Variants in ZNF438 observed in about 807,000 individuals in gnomAD.
ZNF438 encodes zinc finger protein 438.
In ZNF438, 25 loss-of-function variants were observed where a neutral mutation model predicts 38.0. The observed-to-expected ratio is 0.66, with a 90% CI of 0.48 to 0.92. The LOEUF (loss-of-function observed/expected upper bound fraction) is 0.92, where lower values mean the gene tolerates loss of function less well. Among genes scored for constraint, ZNF438 ranks in the 40% least tolerant of loss-of-function variants. The pLI, the probability that ZNF438 is intolerant of heterozygous loss-of-function variation, is 0.00. For synonymous variants in ZNF438, 372 were observed against 364.1 expected, an observed-to-expected ratio of 1.02 and a Z score of -0.25; for missense variants, 1,007 against 999.6, an observed-to-expected ratio of 1.01 and a Z score of -0.10.
rs77555073 is a variant in ZNF438, at chr10:30,890,801, C to A, written c.-31-13736G>T. ...AGAGTTGATTCTTCCAGCATTTAGA[C>A]CTCCATTATCGTTAATAACATGCTT... On this transcript the variant is annotated intron_variant, in intron 3 of 5. Coordinates refer to ENST00000413025, the Ensembl canonical transcript of ZNF438. Among the ~76,000 whole-genome samples, 377 of 152,330 alleles carry A rather than the reference C, an allele frequency of 2.5e-3. 3 individuals carry two copies. Among genetic ancestry groups the A allele is most frequent in the African/African-American group, 8.8e-3 (366 of 41,590 alleles).
intron 3 of ZNF438, among the ~76,000 whole-genome samples, chr10:30,901,651 AGGCGATGGTCTCACCGCTC>A (rs2041998597): frequency 6.6e-6 from 1 of 152,012 alleles, no homozygotes; most frequent in African/African-American, 2.4e-5. Context: ...GCTTGGCAAT[AGGCGATGGTCTCACCGCTC>A]GGCGATAGTC....
At chr10:30,984,681 T>C (rs957566261) in intron 1 of ZNF438, among the ~76,000 whole-genome samples, 1 of 152,170 alleles carries the variant, frequency 6.6e-6, no homozygotes, top group Non-Finnish European at 1.5e-5. Context: ...AATGCCACAA[T>C]GAATAAAACT....
chr10:30,901,451 G>T (rs975370281), intron 3 of ZNF438, among the ~76,000 whole-genome samples: 1 of 151,576 alleles, frequency 6.6e-6, no homozygotes, highest in Non-Finnish European at 1.5e-5. Flanking sequence ...CTGAGTCGGG[G>T]GTTGTTAGCT....
intron 1 of ZNF438, among the ~76,000 whole-genome samples, chr10:31,025,787 A>C (rs545871466): frequency 2.2e-4 from 33 of 152,214 alleles, no homozygotes; most frequent in African/African-American, 6.3e-4. Context: ...TAAAGATTTT[A>C]ATTTTTAAGC....
At chr10:30,966,388 G>A (rs971241797) in intron 1 of ZNF438, among the ~76,000 whole-genome samples, 41 of 151,844 alleles carry the variant, frequency 2.7e-4, no homozygotes, top group Non-Finnish European at 5.4e-4. Flanking sequence ...AAGAATCAAG[G>A]GGCCGGGCGT....
intron 1 of ZNF438, among the ~76,000 whole-genome samples, chr10:30,987,668 A>C (rs2052990044): frequency 6.6e-6 from 1 of 151,192 alleles, no homozygotes; most frequent in Non-Finnish European, 1.5e-5. Flanking sequence ...AAAGAAACAG[A>C]TCTCTCTCTC....
At chr10:30,987,862 G>A (rs2053022903) in intron 1 of ZNF438, among the ~76,000 whole-genome samples, 1 of 152,128 alleles carries the variant, frequency 6.6e-6, no homozygotes, top group Non-Finnish European at 1.5e-5. Context: ...TGTTGTTTAA[G>A]CCACCCAGTA....
intron 4 of ZNF438, among the ~76,000 whole-genome samples, chr10:30,858,001 T>G (rs1311510381): frequency 6.6e-6 from 1 of 152,224 alleles, no homozygotes. Context: ...TGCTTCTGAA[T>G]AAAGTTGTTC....
At chr10:30,902,962 C>T (rs2042193634) in intron 3 of ZNF438, among the ~76,000 whole-genome samples, 1 of 149,332 alleles carries the variant, frequency 6.7e-6, no homozygotes, top group East Asian at 2.0e-4. Context: ...GGGGAGGCAG[C>T]TAAGGACCGG....
intron 1 of ZNF438, among the ~76,000 whole-genome samples, chr10:31,029,842 A>C (rs1485107948): frequency 6.6e-6 from 1 of 151,836 alleles, no homozygotes; most frequent in Non-Finnish European, 1.5e-5. Context: ...TGCTCTAAAC[A>C]CTCTCACTGT....
chr10:30,894,132 T>C (rs1188777363), intron 3 of ZNF438, among the ~76,000 whole-genome samples: 1 of 152,234 alleles, frequency 6.6e-6, no homozygotes, highest in Non-Finnish European at 1.5e-5. Flanking sequence ...GGACTCTCTT[T>C]GCAGAAGATG....
In ZNF438 at chr10:30,950,077, A is replaced by G. The variant is rs1339126955; in HGVS notation, c.-191-8426T>C. Among the ~76,000 whole-genome samples the G allele has an allele frequency of 3.6e-4, 54 of 150,848 alleles. No individual in the cohort carries two copies. The Middle Eastern group carries it at 0.01, about 29-fold the overall frequency. ...CAGACCACAGTGCAATCAAACTAGA[A>G]CTCAGGATTAAGAATCTCACTCAAA... On this transcript the variant is annotated intron_variant, in intron 1 of 5. Transcript: ENST00000413025.
rs373106565 is a variant in ZNF438, at chr10:30,930,989, C to T, written c.-115+10586G>A. Among the ~76,000 whole-genome samples, 5 of 152,228 alleles carry T rather than the reference C, an allele frequency of 3.3e-5. No individual in the cohort carries two copies. In the East Asian group the frequency reaches 7.7e-4, roughly 24 times the overall value. ...AGAAAGCCTCTCCTACTCTGTGAGA[C>T]CCTCACGGGGCTTGCAGTCACTGGG... On this transcript the variant is annotated intron_variant, in intron 2 of 5. Coordinates refer to ENST00000413025, the Ensembl canonical transcript of ZNF438.
At chr10:30,973,411 C>T (rs569376683) in intron 1 of ZNF438, among the ~76,000 whole-genome samples, 79 of 152,270 alleles carry the variant, frequency 5.2e-4, no homozygotes, top group African/African-American at 1.8e-3. Context: ...TATATGTTGG[C>T]CTCACCCAAG....
chr10:30,907,529 A>G (rs535474450), intron 3 of ZNF438, among the ~76,000 whole-genome samples: 46 of 152,342 alleles, frequency 3.0e-4, no homozygotes, highest in African/African-American at 9.1e-4. Flanking sequence ...TTTTAAAATT[A>G]TAATTCAATC....
intron 3 of ZNF438, among the ~76,000 whole-genome samples, chr10:30,880,430 TAAAAAA>T (rs60365494): frequency 1.8e-5 from 2 of 111,918 alleles, no homozygotes; most frequent in South Asian, 3.1e-4. Flanking sequence ...AAATTCTATC[TAAAAAA>T]AAAAAAAAAA....
At chr10:30,961,245 A>C (rs538637512) in intron 1 of ZNF438, among the ~76,000 whole-genome samples, 1 of 136,598 alleles carries the variant, frequency 7.3e-6, no homozygotes, top group South Asian at 2.3e-4. Context: ...AATAAATAAA[A>C]AAAAAAAATT....
chr10:30,953,061 AC>A, intron 1 of ZNF438, among the ~76,000 whole-genome samples: 1 of 130,242 alleles, frequency 7.7e-6, no homozygotes, highest in South Asian at 2.9e-4. Flanking sequence ...ACCATGGAAT[AC>A]TATGCAGCCA....
intron 4 of ZNF438, among the ~76,000 whole-genome samples, chr10:30,872,425 CAAAAAAAA>C (rs566401687): frequency 1.7e-5 from 1 of 58,672 alleles, no homozygotes; most frequent in African/African-American, 6.0e-5. Flanking sequence ...GACTCTGTCT[CAAAAAAAA>C]AAAAAAAAAA....
Sources: gnomAD v4.1 joint callset for allele counts (sites outside exome capture counted in the v4.1 genomes callset) on GRCh38, gnomAD v4.1.1 for gene constraint, MANE v1.5 for transcripts, NCBI Gene and HGNC (gene_info 2026-07-23, HGNC 2026-07-21) for gene names.